Variants in HS6ST3 observed in about 807,000 individuals in gnomAD.
The protein encoded by HS6ST3 is heparan sulfate 6-O-sulfotransferase 3.
HS6ST3 carries 12 observed loss-of-function variants against 36.7 expected under a neutral mutation model. That is an observed-to-expected ratio of 0.33 (90% confidence interval 0.21 to 0.53). HS6ST3 has a LOEUF of 0.53. Ranked by LOEUF, HS6ST3 falls within the 20% of genes least tolerant of loss-of-function variation. The pLI is 0.95. For synonymous variants in HS6ST3, 240 were observed against 257.5 expected (o/e 0.93, Z 0.65); for missense variants, 584 against 640.9 (o/e 0.91, Z 0.96).
At chr13:96,345,496 T>C (rs1199474666) in intron 1 of HS6ST3, among the ~76,000 whole-genome samples, 1 of 152,212 alleles carries the variant, frequency 6.6e-6, no homozygotes, top group Non-Finnish European at 1.5e-5. Flanking sequence ...AGGATTCTAT[T>C]TGTCTTGTAG....
chr13:96,224,984 GAACTA>G (rs1343280935), intron 1 of HS6ST3, among the ~76,000 whole-genome samples: 1 of 152,158 alleles, frequency 6.6e-6, no homozygotes, highest in African/African-American at 2.4e-5. Context: ...AAGGGTAATT[GAACTA>G]TTCTGAAGTT....
At chr13:96,121,603 C>T (rs2053925651) in intron 1 of HS6ST3, among the ~76,000 whole-genome samples, 1 of 152,172 alleles carries the variant, frequency 6.6e-6, no homozygotes, top group Non-Finnish European at 1.5e-5. Context: ...GGAGTGAGGC[C>T]AACTCTCCTC....
Position 96,625,402 on chromosome 13 carries a change from C to G in HS6ST3, c.708-207088C>G, listed in dbSNP as rs192869636. ...TATCGAGCAATAGACTTGCTGGGCT[C>G]TAAGTCATTTACATGTCCAACTTTA... On this transcript the variant is annotated intron_variant, in intron 1 of 1. Coordinates refer to ENST00000376705, the MANE Select transcript of HS6ST3 (RefSeq NM_153456.4). Among the ~76,000 whole-genome samples, 22 of 152,216 alleles carry G rather than the reference C, an allele frequency of 1.4e-4. 1 individual carries two copies. The East Asian group carries it at 4.1e-3, about 28-fold the overall frequency.
At chr13:96,389,592 G>A (rs2055385789) in intron 1 of HS6ST3, among the ~76,000 whole-genome samples, 1 of 152,090 alleles carries the variant, frequency 6.6e-6, no homozygotes, top group African/African-American at 2.4e-5. Flanking sequence ...AAGATAAGTA[G>A]GGAATTTCCG....
chr13:96,642,247 T>C (rs1322643321), intron 1 of HS6ST3, among the ~76,000 whole-genome samples: 3 of 151,898 alleles, frequency 2.0e-5, no homozygotes, highest in Non-Finnish European at 4.4e-5. Context: ...AATCATCTGT[T>C]AATCTTATTA....
chr13:96,605,755 T>G (rs2056436419), intron 1 of HS6ST3, among the ~76,000 whole-genome samples: 1 of 152,040 alleles, frequency 6.6e-6, no homozygotes, highest in Non-Finnish European at 1.5e-5. Flanking sequence ...TTCTGTTTGG[T>G]GAGCTTGTTT....
At chr13:96,359,960 A>G (rs1372623413) in intron 1 of HS6ST3, among the ~76,000 whole-genome samples, 1 of 152,124 alleles carries the variant, frequency 6.6e-6, no homozygotes, top group Non-Finnish European at 1.5e-5. Context: ...AGCCACCCCT[A>G]TTCCACCACT....
chr13:96,482,917 T>A (rs1288501341), intron 1 of HS6ST3, among the ~76,000 whole-genome samples: 1 of 152,238 alleles, frequency 6.6e-6, no homozygotes, highest in Non-Finnish European at 1.5e-5. Flanking sequence ...TTCTTCCTAA[T>A]GTTACTTTTA....
chr13:96,266,449 T>C (rs1212555197), intron 1 of HS6ST3, among the ~76,000 whole-genome samples: 1 of 152,234 alleles, frequency 6.6e-6, no homozygotes, highest in African/African-American at 2.4e-5. Context: ...AAGTTACTTT[T>C]TGTTGTTCCC....
chr13:96,312,365 G>A (rs760245086), intron 1 of HS6ST3, among the ~76,000 whole-genome samples: 2 of 151,988 alleles, frequency 1.3e-5, no homozygotes, highest in Non-Finnish European at 2.9e-5. Context: ...AGTTTCTAAC[G>A]TGATTACATT....
chr13:96,726,640 A>T (rs1434210975), intron 1 of HS6ST3, among the ~76,000 whole-genome samples: 1 of 152,132 alleles, frequency 6.6e-6, no homozygotes, highest in African/African-American at 2.4e-5. Context: ...CAATAATGTT[A>T]TCTGTGGGGA....
intron 1 of HS6ST3, among the ~76,000 whole-genome samples, chr13:96,401,340 G>T (rs1432869165): frequency 6.6e-6 from 1 of 151,998 alleles, no homozygotes; most frequent in Admixed American, 6.5e-5. Context: ...CACATTATTT[G>T]TTTTCTCATC....
chr13:96,227,539 G>A (rs1278400482), intron 1 of HS6ST3, among the ~76,000 whole-genome samples: 1 of 152,214 alleles, frequency 6.6e-6, no homozygotes, highest in Non-Finnish European at 1.5e-5. Flanking sequence ...TCACATGGTT[G>A]CAGGAGACAA....
intron 1 of HS6ST3, among the ~76,000 whole-genome samples, chr13:96,287,172 G>A (rs2054807879): frequency 6.6e-6 from 1 of 152,024 alleles, no homozygotes; most frequent in South Asian, 2.1e-4. Flanking sequence ...AAGTAAATCG[G>A]ATGAGCCTCT....
chr13:96,247,231 C>T (rs1046086612), intron 1 of HS6ST3, among the ~76,000 whole-genome samples: 2 of 152,076 alleles, frequency 1.3e-5, no homozygotes, highest in East Asian at 1.9e-4. Flanking sequence ...TTGGTGGCAA[C>T]GTGTCTATTG....
chr13:96,809,561 T>C (rs1878270734), intron 1 of HS6ST3, among the ~76,000 whole-genome samples: 1 of 152,168 alleles, frequency 6.6e-6, no homozygotes, highest in Admixed American at 6.5e-5. Context: ...CCAGGAGCTT[T>C]CACATGAAGA....
At chr13:96,792,876 AAGATACCTGCCC>A in intron 1 of HS6ST3, among the ~76,000 whole-genome samples, 1 of 152,018 alleles carries the variant, frequency 6.6e-6, no homozygotes, top group Non-Finnish European at 1.5e-5. Context: ...TCTTAGTTAA[AAGATACCTGCCC>A]AGATGGTTTA....
intron 1 of HS6ST3, among the ~76,000 whole-genome samples, chr13:96,739,951 C>T (rs775252337): frequency 1.1e-4 from 16 of 152,090 alleles, no homozygotes; most frequent in Non-Finnish European, 1.8e-4. Flanking sequence ...TCCCAATAAC[C>T]ACAGTGCTCA....
chr13:96,271,044 A>C (rs528246095), intron 1 of HS6ST3, among the ~76,000 whole-genome samples: 1 of 152,038 alleles, frequency 6.6e-6, no homozygotes, highest in South Asian at 2.1e-4. Flanking sequence ...TCTGGTACTT[A>C]TCACAGTTTC....
Sources: gnomAD v4.1 joint callset for allele counts (sites outside exome capture counted in the v4.1 genomes callset) on GRCh38, gnomAD v4.1.1 for gene constraint, MANE v1.5 for transcripts, NCBI Gene and HGNC (gene_info 2026-07-23, HGNC 2026-07-21) for gene names.